GGH: variants seen among roughly 807,000 people sequenced by gnomAD.
The protein encoded by GGH is gamma-glutamyl hydrolase.
A neutral mutation model predicts 39.2 loss-of-function variants in GGH; 18 were observed. The ratio of observed to expected loss-of-function variants is 0.46; its 90% CI spans 0.32 to 0.68. The LOEUF is 0.68. GGH is among the 30% of genes least tolerant of loss of function. The pLI, the probability that GGH is intolerant of heterozygous loss-of-function variation, is 0.04. For missense variants in GGH, 367 were observed against 384.1 expected, an observed-to-expected ratio of 0.96 and a Z score of 0.37; for synonymous variants, 147 against 138.8, an observed-to-expected ratio of 1.06 and a Z score of -0.42.
In GGH at chr8:63,036,235, T is replaced by C. The variant is rs151065270; in HGVS notation, c.110-465A>G. 6.0e-4 allele frequency among the ~76,000 whole-genome samples: 91 copies of C among 152,318 alleles called. 3 individuals carry two copies. In the East Asian group the frequency reaches 0.016, roughly 27 times the overall value. ...CCCTCTCCCCACCACACTATCATAATAGACTCTTAGAAGGTCTTGTTATAT... is the reference window on the plus strand; with the variant it reads ...CCCTCTCCCCACCACACTATCATAACAGACTCTTAGAAGGTCTTGTTATAT... On this transcript the variant is annotated intron_variant, in intron 1 of 8. Coordinates refer to ENST00000260118, the MANE Select transcript of GGH (RefSeq NM_003878.3).
chr8:63,038,625 TC>T, intron 1 of GGH, 34 bp downstream of exon 1: 1 of 967,174 alleles, frequency 1.0e-6, no homozygotes, highest in South Asian at 1.7e-5. Context: ...ACCCAGCTCC[TC>T]CCCGTCTGCT....
chr8:63,030,114 C>G, intron 3 of GGH, 53 bp downstream of exon 3: 1 of 750,260 alleles, frequency 1.3e-6, no homozygotes, highest in Non-Finnish European at 2.3e-6. Context: ...TTTACAAAAG[C>G]AGACATATGT....
intron 8 of GGH, among the ~76,000 whole-genome samples, chr8:63,016,349 T>C (rs2130950008): frequency 6.6e-6 from 1 of 152,136 alleles, no homozygotes. Context: ...GTTTTTGTCA[T>C]AAAACCATCC....
At chr8:63,038,334 T>C (rs1450416702) in intron 1 of GGH, among the ~76,000 whole-genome samples, 2 of 152,238 alleles carry the variant, frequency 1.3e-5, no homozygotes, top group East Asian at 3.8e-4. Context: ...TTCCCAACTA[T>C]GTGCGAAAAG....
intron 7 of GGH, among the ~76,000 whole-genome samples, chr8:63,022,362 G>A (rs926334174): frequency 6.6e-6 from 1 of 151,972 alleles, no homozygotes; most frequent in African/African-American, 2.4e-5. Flanking sequence ...GGTTAGGTAA[G>A]TTAGAAATCA....
At chr8:63,030,957 C>T (rs147937249) in intron 2 of GGH, among the ~76,000 whole-genome samples, 2 of 152,100 alleles carry the variant, frequency 1.3e-5, no homozygotes, top group South Asian at 2.1e-4. Flanking sequence ...TCTGCTCTCC[C>T]GAAAGTTCAA....
chr8:63,024,044 A>C, intron 6 of GGH, 36 bp downstream of exon 6: 1 of 1,543,622 alleles, frequency 6.5e-7, no homozygotes, highest in South Asian at 1.1e-5. Flanking sequence ...CAGTTATTCT[A>C]AACATATTAA....
At chr8:63,025,829 A>C (rs772082289) in intron 5 of GGH, among the ~76,000 whole-genome samples, 4 of 152,194 alleles carry the variant, frequency 2.6e-5, no homozygotes, top group African/African-American at 4.8e-5. Context: ...CAGAGAGGTA[A>C]AATGGTTCCT....
At chr8:63,032,152 GC>G (rs1804817293) in intron 2 of GGH, among the ~76,000 whole-genome samples, 1 of 152,042 alleles carries the variant, frequency 6.6e-6, no homozygotes, top group Non-Finnish European at 1.5e-5. Flanking sequence ...TCCCACCTCA[GC>G]CTCCTGAGTA....
At chr8:63,023,244 A>C (rs1451274770) in intron 7 of GGH, among the ~76,000 whole-genome samples, 1 of 152,188 alleles carries the variant, frequency 6.6e-6, no homozygotes, top group Non-Finnish European at 1.5e-5. Context: ...ACACTAGGAG[A>C]ACAGCCCATC....
intron 7 of GGH, among the ~76,000 whole-genome samples, chr8:63,022,114 A>G (rs972201807): frequency 3.3e-5 from 5 of 151,986 alleles, no homozygotes; most frequent in African/African-American, 1.2e-4. Context: ...TTTTTTACGA[A>G]CACAACTTCT....
At chr8:63,017,339 C>G (rs543154274) in intron 8 of GGH, 154 bp downstream of exon 8, 8 of 527,832 alleles carry the variant, frequency 1.5e-5, no homozygotes, top group Non-Finnish European at 2.3e-5. Context: ...GATTTTAGGG[C>G]TTTCACATTA....
chr8:63,025,569 C>A (rs1008338407), intron 5 of GGH, among the ~76,000 whole-genome samples: 3 of 152,006 alleles, frequency 2.0e-5, no homozygotes, highest in Admixed American at 6.6e-5. Context: ...CTTGTCCCTA[C>A]TAAAAATACA....
At chr8:63,021,111 C>CT (rs1178195943) in intron 7 of GGH, among the ~76,000 whole-genome samples, 4 of 152,118 alleles carry the variant, frequency 2.6e-5, no homozygotes, top group Non-Finnish European at 5.9e-5. Context: ...AACATTGTTT[C>CT]TTTTTTGCCA....
At chr8:63,036,287 C>T (rs994820125) in intron 1 of GGH, among the ~76,000 whole-genome samples, 3 of 152,138 alleles carry the variant, frequency 2.0e-5, no homozygotes, top group Admixed American at 1.3e-4. Flanking sequence ...CCCCCAAGCT[C>T]CAAGCAGCTC....
At chr8:63,030,093 A>G (rs1804775486) in intron 3 of GGH, 74 bp downstream of exon 3, 3 of 707,812 alleles carry the variant, frequency 4.2e-6, no homozygotes, top group Admixed American at 2.1e-5. Context: ...TATAATATTT[A>G]TATGATTTCT....
At chr8:63,018,137 A>T (rs1351205332) in intron 7 of GGH, among the ~76,000 whole-genome samples, 1 of 152,188 alleles carries the variant, frequency 6.6e-6, no homozygotes, top group Non-Finnish European at 1.5e-5. Flanking sequence ...ATAAATTTTT[A>T]AAATATTTTT....
intron 8 of GGH, 134 bp from the exon 9 acceptor site, chr8:63,015,587 T>G (rs1804471341): frequency 4.0e-6 from 2 of 495,364 alleles, no homozygotes; most frequent in Non-Finnish European, 7.0e-6. Flanking sequence ...CGACTGCTCT[T>G]CCTATAGAAC....
intron 2 of GGH, among the ~76,000 whole-genome samples, chr8:63,035,028 C>T (rs1350800464): frequency 2.0e-5 from 3 of 151,956 alleles, no homozygotes; most frequent in South Asian, 2.1e-4. Context: ...TCCCTCACCC[C>T]GCCCCCCCAA....
Sources: allele counts gnomAD v4.1 joint callset (sites outside exome capture counted in the v4.1 genomes callset), GRCh38; gene constraint gnomAD v4.1.1; transcripts MANE v1.5; gene names NCBI Gene and HGNC (gene_info 2026-07-23, HGNC 2026-07-21).